Variants in RPH3A observed in about 807,000 individuals in gnomAD.
The protein encoded by RPH3A is rabphilin-3A.
Under a neutral mutation model 102.2 loss-of-function variants are expected in RPH3A, and 48 were observed. The ratio of observed to expected loss-of-function variants is 0.47; its 90% confidence interval spans 0.37 to 0.60. The LOEUF is 0.60. Ranked by LOEUF, RPH3A falls within the 20% of genes least tolerant of loss-of-function variation. RPH3A has a pLI of 0.00. For synonymous variants in RPH3A, 310 were observed against 324.3 expected (o/e 0.96, Z 0.47); for missense variants, 781 against 910.1 (o/e 0.86, Z 1.83).
intron 1 of RPH3A, among the ~76,000 whole-genome samples, chr12:112,654,374 C>A (rs1566244428): frequency 1.3e-5 from 2 of 151,886 alleles, no homozygotes; most frequent in African/African-American, 4.8e-5. Context: ...GGATTCTTTT[C>A]CTTCTTCTGC....
At chr12:112,797,598 C>T (rs539995347) in intron 2 of RPH3A, among the ~76,000 whole-genome samples, 2 of 152,194 alleles carry the variant, frequency 1.3e-5, no homozygotes, top group African/African-American at 4.8e-5. Flanking sequence ...CTCAGTTTCT[C>T]AGGTAGATTT....
chr12:112,723,450 T>A (rs1010124828), intron 1 of RPH3A, among the ~76,000 whole-genome samples: 1 of 152,222 alleles, frequency 6.6e-6, no homozygotes, highest in Non-Finnish European at 1.5e-5. Flanking sequence ...AGATGAATCA[T>A]CTGTCTGAAA....
Position 112,791,816 on chromosome 12 carries a change from T to C in RPH3A, c.-336T>C, listed in dbSNP as rs1488563389. 1.4e-5 allele frequency: 2 copies of C among 142,274 alleles called. No homozygotes were observed. Among genetic ancestry groups the C allele is most frequent in the Non-Finnish European group, 3.0e-5 (2 of 66,608 alleles). 8.8% of individuals were successfully genotyped at this position (142,274 alleles called of 1,614,324 possible). On this transcript the variant is annotated 5_prime_UTR_variant, in exon 1 of 22. Coordinates refer to ENST00000389385, the MANE Select transcript of RPH3A (RefSeq NM_001143854.2). ...GCTCTGGGGAAGCAATTGATTCGTC[T>C]ACTGCCAGCAGCCCGGAGTTGCCTA... is the stretch of plus-strand genomic sequence containing the variant.
intron 20 of RPH3A, 97 bp downstream of exon 20, chr12:112,894,756 C>A: frequency 4.5e-6 from 4 of 895,584 alleles, no homozygotes; most frequent in Admixed American, 2.9e-5. Flanking sequence ...GGCCACATAG[C>A]CATTAAATGC....
intron 19 of RPH3A, 66 bp from the exon 20 acceptor site, chr12:112,894,512 T>G (rs533527230): frequency 7.0e-7 from 1 of 1,425,312 alleles, no homozygotes; most frequent in African/African-American, 1.4e-5. Flanking sequence ...AAGGGGCCTT[T>G]GGGGTCAAGA....
At chr12:112,676,896 T>C (rs1402861797) in intron 1 of RPH3A, among the ~76,000 whole-genome samples, 1 of 151,800 alleles carries the variant, frequency 6.6e-6, no homozygotes, top group East Asian at 1.9e-4. Flanking sequence ...GGGAGGAAGG[T>C]TGAGGAAGAA....
chr12:112,752,572 T>C (rs745756612), intron 1 of RPH3A, among the ~76,000 whole-genome samples: 8 of 151,210 alleles, frequency 5.3e-5, no homozygotes, highest in African/African-American at 9.7e-5. Flanking sequence ...ACAGAAATAT[T>C]ACGTTATATG....
chr12:112,851,223 G>A (rs1253723020), intron 5 of RPH3A, among the ~76,000 whole-genome samples: 2 of 152,156 alleles, frequency 1.3e-5, no homozygotes, highest in African/African-American at 4.8e-5. Flanking sequence ...TTGCAGGTGA[G>A]GAAACCGAAG....
At chr12:112,598,453 C>T (rs188816605) in intron 1 of RPH3A, among the ~76,000 whole-genome samples, 8 of 152,284 alleles carry the variant, frequency 5.3e-5, no homozygotes, top group African/African-American at 1.9e-4. Flanking sequence ...CTGAATGATA[C>T]TGGTTTTCAA....
chr12:112,701,257 C>A (rs934018805), intron 1 of RPH3A, among the ~76,000 whole-genome samples: 1 of 152,072 alleles, frequency 6.6e-6, no homozygotes, highest in Non-Finnish European at 1.5e-5. Flanking sequence ...AAGAGGTCAC[C>A]TTACTCTTTA....
chr12:112,614,688 CAAAAAAAAAAAAAAA>C (rs35810360), intron 1 of RPH3A, among the ~76,000 whole-genome samples: 8 of 27,156 alleles, frequency 2.9e-4, no homozygotes, highest in Non-Finnish European at 5.1e-4. Flanking sequence ...GACCCTGCCT[CAAAAAAAAAAAAAAA>C]AAAAAAAAAA....
In RPH3A at chr12:112,865,540, G is replaced by A. The variant is rs189556401; in HGVS notation, c.357G>A (p.Lys119=). Residue 119 remains lysine, a synonymous_variant, in exon 6 of 22, where the codon AAG becomes AAA. Coordinates refer to ENST00000389385, the MANE Select transcript of RPH3A (RefSeq NM_001143854.2). ...GSACVVCEDC[K]KNVCTKCGVE... Reference sequence around the variant, plus strand: ...CCTGTGTAGTATGTGAGGACTGTAAGAAGGTATCATCATCCTCTTCTCCCT... The same window carrying A: ...CCTGTGTAGTATGTGAGGACTGTAAAAAGGTATCATCATCCTCTTCTCCCT... The A allele has an allele frequency of 6.2e-7, 1 of 1,613,402 alleles. No individual in the cohort carries two copies. The highest frequency in any genetic ancestry group is 2.2e-5 in the East Asian group (1 of 44,868).
At chr12:112,871,458 A>G (rs945820075) in intron 10 of RPH3A, among the ~76,000 whole-genome samples, 5 of 152,128 alleles carry the variant, frequency 3.3e-5, no homozygotes, top group African/African-American at 1.2e-4. Flanking sequence ...TTGTCCTTTC[A>G]TGACTGGCTT....
At chr12:112,710,472 T>G (rs371846350) in intron 1 of RPH3A, among the ~76,000 whole-genome samples, 17 of 152,210 alleles carry the variant, frequency 1.1e-4, no homozygotes, top group East Asian at 9.7e-4. Context: ...CCCTGTAAAG[T>G]CCCCAGGCGG....
chr12:112,868,378 G>C, intron 7 of RPH3A, 52 bp from the exon 8 acceptor site: 1 of 1,589,572 alleles, frequency 6.3e-7, no homozygotes, highest in Admixed American at 1.7e-5. Context: ...ATGAAGGTAA[G>C]AGCAACAGCG....
At chr12:112,622,849 C>G (rs1262645864) in intron 1 of RPH3A, among the ~76,000 whole-genome samples, 1 of 136,360 alleles carries the variant, frequency 7.3e-6, no homozygotes, top group Non-Finnish European at 1.6e-5. Context: ...ATCAGACTAA[C>G]AGCAGATCTC....
chr12:112,883,216 G>A (rs1196683655), intron 15 of RPH3A, 77 bp from the exon 16 acceptor site: 31 of 1,104,238 alleles, frequency 2.8e-5, no homozygotes, highest in South Asian at 6.6e-5. Context: ...CCCACCCCAC[G>A]TCAGCCCAAA....
intron 1 of RPH3A, among the ~76,000 whole-genome samples, chr12:112,650,121 C>T (rs1280762012): frequency 3.3e-5 from 5 of 152,218 alleles, no homozygotes; most frequent in Non-Finnish European, 7.3e-5. Flanking sequence ...CCCTCAGTTC[C>T]TGGTTGTAGA....
At chr12:112,682,274 C>G (rs190167419) in intron 1 of RPH3A, among the ~76,000 whole-genome samples, 6 of 151,934 alleles carry the variant, frequency 3.9e-5, no homozygotes, top group Non-Finnish European at 8.8e-5. Context: ...AGCTGAGAAC[C>G]TGGAGTTCTG....
Sources: gnomAD v4.1 joint callset for allele counts (sites outside exome capture counted in the v4.1 genomes callset) on GRCh38, gnomAD v4.1.1 for gene constraint, MANE v1.5 for transcripts, NCBI Gene and HGNC (gene_info 2026-07-23, HGNC 2026-07-21) for gene names.